SPACA7: variants seen among roughly 807,000 people sequenced by gnomAD.
SPACA7 encodes the protein sperm acrosome associated 7, also known as sperm acrosome-associated protein 7.
A neutral mutation model predicts 26.3 loss-of-function variants in SPACA7; 19 were observed. The ratio of observed to expected loss-of-function variants is 0.72; its 90% CI spans 0.50 to 1.06. SPACA7 has a LOEUF of 1.06. SPACA7 is among the 50% of genes least tolerant of loss of function. SPACA7 has a pLI of 0.00. For missense variants in SPACA7, 211 were observed against 229.9 expected (o/e 0.92, Z 0.53); for synonymous variants, 84 against 84.5 (o/e 0.99, Z 0.04).
chr13:112,389,685 A>G (rs936638999), intron 1 of SPACA7, among the ~76,000 whole-genome samples: 3 of 152,244 alleles, frequency 2.0e-5, no homozygotes, highest in Non-Finnish European at 2.9e-5. Context: ...AGGTACATAC[A>G]CATACAGACA....
chr13:112,385,100 T>A (rs1281640610), intron 1 of SPACA7, among the ~76,000 whole-genome samples: 1 of 152,198 alleles, frequency 6.6e-6, no homozygotes, highest in East Asian at 1.9e-4. Context: ...ATTTTAATAT[T>A]TTAGCCTACA....
intron 1 of SPACA7, among the ~76,000 whole-genome samples, chr13:112,383,081 A>AGACAG (rs1491576884): frequency 4.8e-5 from 6 of 123,814 alleles, no homozygotes; most frequent in Admixed American, 9.5e-5. Context: ...AGAAAGAAAG[A>AGACAG]AAAAGAAAGA....
At chr13:112,398,241 C>G in intron 3 of SPACA7, 103 bp downstream of exon 3, 4 of 841,854 alleles carry the variant, frequency 4.8e-6, no homozygotes, top group Non-Finnish European at 7.9e-6. Context: ...AGCATTAAGA[C>G]CAGCTATTTC....
intron 1 of SPACA7, among the ~76,000 whole-genome samples, chr13:112,379,127 C>A (rs1409099981): frequency 6.6e-6 from 1 of 152,134 alleles, no homozygotes; most frequent in African/African-American, 2.4e-5. Context: ...AAATTATAAT[C>A]GTCCCCACAT....
chr13:112,389,169 A>T (rs1030230519), intron 1 of SPACA7, among the ~76,000 whole-genome samples: 1 of 152,214 alleles, frequency 6.6e-6, no homozygotes, highest in African/African-American at 2.4e-5. Context: ...CTTTGTTTAT[A>T]CTATAAACTA....
intron 5 of SPACA7, among the ~76,000 whole-genome samples, chr13:112,426,058 C>T (rs1156724151): frequency 6.6e-6 from 1 of 152,166 alleles, no homozygotes; most frequent in Non-Finnish European, 1.5e-5. Flanking sequence ...GCATTAAATG[C>T]TTGTATTGAG....
At chr13:112,392,054 A>G (rs1884923662) in intron 1 of SPACA7, among the ~76,000 whole-genome samples, 1 of 152,166 alleles carries the variant, frequency 6.6e-6, no homozygotes, top group Admixed American at 6.5e-5. Context: ...AGAAGCCACC[A>G]CTGGAAAGCT....
chr13:112,379,247 T>C (rs1883891372), intron 1 of SPACA7, among the ~76,000 whole-genome samples: 1 of 152,196 alleles, frequency 6.6e-6, no homozygotes, highest in African/African-American at 2.4e-5. Context: ...AGTGCAATCT[T>C]AGAGGCGTCA....
chr13:112,408,270 T>G (rs1886120005), intron 5 of SPACA7, among the ~76,000 whole-genome samples: 1 of 152,144 alleles, frequency 6.6e-6, no homozygotes, highest in Non-Finnish European at 1.5e-5. Context: ...TCATACTGAA[T>G]GGGCAAAAAC....
At chr13:112,405,626 G>A (rs1885937996) in intron 5 of SPACA7, among the ~76,000 whole-genome samples, 1 of 152,108 alleles carries the variant, frequency 6.6e-6, no homozygotes, top group African/African-American at 2.4e-5. Context: ...TGAGAAACAG[G>A]TGTATTCTCC....
chr13:112,399,544 C>T (rs745559998), intron 4 of SPACA7, among the ~76,000 whole-genome samples: 10 of 152,338 alleles, frequency 6.6e-5, no homozygotes, highest in Non-Finnish European at 1.3e-4. Flanking sequence ...GCCAGAGTGC[C>T]CCCAGGGGGG....
chr13:112,429,619 G>A (rs1876872020), intron 5 of SPACA7, among the ~76,000 whole-genome samples: 1 of 151,966 alleles, frequency 6.6e-6, no homozygotes, highest in Non-Finnish European at 1.5e-5. Flanking sequence ...TTGAACATAT[G>A]GTATACAGTT....
At chr13:112,396,626 TC>T (rs1185309392) in intron 2 of SPACA7, among the ~76,000 whole-genome samples, 1 of 152,192 alleles carries the variant, frequency 6.6e-6, no homozygotes, top group African/African-American at 2.4e-5. Flanking sequence ...AAGACCCCTA[TC>T]TCACTGGACA....
At chr13:112,400,928 T>G (rs931562541) in intron 4 of SPACA7, 141 bp from the exon 5 acceptor site, 2 of 660,810 alleles carry the variant, frequency 3.0e-6, no homozygotes. Flanking sequence ...CATATTGAGT[T>G]TCCAAAACAT....
intron 5 of SPACA7, among the ~76,000 whole-genome samples, chr13:112,416,970 G>T (rs1021232368): frequency 4.6e-5 from 7 of 151,906 alleles, no homozygotes; most frequent in African/African-American, 1.7e-4. Flanking sequence ...TTAAGTTGAT[G>T]TTTGATGCAC....
At chr13:112,417,383 C>T (rs563583814) in intron 5 of SPACA7, among the ~76,000 whole-genome samples, 2 of 151,744 alleles carry the variant, frequency 1.3e-5, no homozygotes, top group South Asian at 4.2e-4. Context: ...ACTTTTCTAC[C>T]TTTTATTACA....
chr13:112,388,738 G>A (rs1884691975), intron 1 of SPACA7, among the ~76,000 whole-genome samples: 1 of 152,240 alleles, frequency 6.6e-6, no homozygotes, highest in Non-Finnish European at 1.5e-5. Flanking sequence ...AGCTGTGCAG[G>A]AGACCAGAGT....
chr13:112,428,995 T>TA (rs1458945180), intron 5 of SPACA7, among the ~76,000 whole-genome samples: 1 of 152,260 alleles, frequency 6.6e-6, no homozygotes, highest in Non-Finnish European at 1.5e-5. Flanking sequence ...CTTTTAGTTC[T>TA]AGCAGTGTTT....
chr13:112,398,483 G>A (rs1220078959), intron 3 of SPACA7, among the ~76,000 whole-genome samples: 2 of 152,024 alleles, frequency 1.3e-5, no homozygotes, highest in Admixed American at 6.6e-5. Context: ...TCCCACACAC[G>A]CCCATGCTCT....
Sources: gnomAD v4.1 joint callset for allele counts (sites outside exome capture counted in the v4.1 genomes callset) on GRCh38, gnomAD v4.1.1 for gene constraint, MANE v1.5 for transcripts, NCBI Gene and HGNC (gene_info 2026-07-23, HGNC 2026-07-21) for gene names.